Variants in A2M observed in about 807,000 individuals in gnomAD.
A2M encodes C3 and PZP-like alpha-2-macroglobulin domain-containing protein 5.
Under a neutral mutation model 183.9 loss-of-function variants are expected in A2M, and 128 were observed. The observed-to-expected ratio is 0.70, with a 90% CI of 0.60 to 0.81. A2M has a LOEUF of 0.81. A2M is among the 30% of genes least tolerant of loss of function. A2M has a pLI of 0.00. For synonymous variants in A2M, 592 were observed against 670.8 expected, an observed-to-expected ratio of 0.88 and a Z score of 1.81; for missense variants, 1,495 against 1,787.6, an observed-to-expected ratio of 0.84 and a Z score of 2.95.
intron 29 of A2M, among the ~76,000 whole-genome samples, chr12:9,074,223 C>G (rs758658668): frequency 6.6e-6 from 1 of 151,944 alleles, no homozygotes; most frequent in Non-Finnish European, 1.5e-5. Context: ...TTCCTTTGAA[C>G]AGTTTGAAAG....
chr12:9,069,369 G>C (rs943353646), intron 33 of A2M, among the ~76,000 whole-genome samples: 3 of 152,168 alleles, frequency 2.0e-5, no homozygotes, highest in African/African-American at 7.2e-5. Flanking sequence ...TGTGGAGACT[G>C]ACAGTTTTTT....
chr12:9,089,677 G>C (rs759354175), intron 21 of A2M, among the ~76,000 whole-genome samples: 22 of 152,220 alleles, frequency 1.4e-4, no homozygotes, highest in Non-Finnish European at 2.2e-4. Flanking sequence ...GGAGGCGGAG[G>C]TTGCAGTGAG....
chr12:9,093,717 G>C, intron 17 of A2M, 138 bp from the exon 18 acceptor site: 1 of 505,796 alleles, frequency 2.0e-6, no homozygotes, highest in Non-Finnish European at 3.4e-6. Context: ...GAGGGCGCTT[G>C]GGTCATCAAG....
intron 30 of A2M, 25 bp downstream of exon 30, chr12:9,072,628 G>A: frequency 6.2e-7 from 1 of 1,611,436 alleles, no homozygotes; most frequent in Non-Finnish European, 8.5e-7. Context: ...CATCTGTCCT[G>A]TCCTCACCTG....
chr12:9,113,586 A>C, intron 1 of A2M, 43 bp from the exon 2 acceptor site: 1 of 1,577,268 alleles, frequency 6.3e-7, no homozygotes, highest in African/African-American at 1.4e-5. Flanking sequence ...GAAGGAAGAG[A>C]GGCATTGCTA....
intron 18 of A2M, among the ~76,000 whole-genome samples, chr12:9,092,183 C>T (rs1949232605): frequency 6.6e-6 from 1 of 152,122 alleles, no homozygotes; most frequent in African/African-American, 2.4e-5. Flanking sequence ...TCCCATGCCT[C>T]CTTCCCCTGG....
At chr12:9,068,938 T>C in intron 33 of A2M, 96 bp from the exon 34 acceptor site, 1 of 822,926 alleles carries the variant, frequency 1.2e-6, no homozygotes, top group South Asian at 1.9e-5. Context: ...GGAAAAGCTT[T>C]ATTATCCTAC....
intron 6 of A2M, 146 bp downstream of exon 6, chr12:9,109,721 C>T (rs1565603726): frequency 1.3e-6 from 1 of 766,140 alleles, no homozygotes; most frequent in African/African-American, 1.7e-5. Flanking sequence ...CACTGATGTC[C>T]TCATTGGACT....
In A2M at chr12:9,106,257, C is replaced by T. The variant is rs1938273966; in HGVS notation, c.1083G>A (p.Gln361=). 1 of 1,611,580 alleles carries T rather than the reference C, an allele frequency of 6.2e-7. No individual in the cohort carries two copies. Among genetic ancestry groups the T allele is most frequent in the East Asian group, 2.2e-5 (1 of 44,856 alleles). The part of the protein sequence containing the change: ...SFVKVDSHFR[Q]GIPFFGQVRL... ...CCACCTGCCCAAAGAAGGGAATTCC[C>T]TGTCGAAAGTGTGAGTCCACTTTCA... The change falls in exon 10 of 36, where the codon CAG becomes CAA. Residue 361 remains glutamine (Q), a synonymous_variant. Transcript: ENST00000318602.
intron 22 of A2M, among the ~76,000 whole-genome samples, chr12:9,088,812 A>G (rs1367111667): frequency 1.3e-5 from 2 of 152,222 alleles, no homozygotes; most frequent in Admixed American, 1.3e-4. Flanking sequence ...GTTATCAAAT[A>G]CTGTTGGCTA....
chr12:9,100,616 G>GA (rs1491310435), intron 13 of A2M, among the ~76,000 whole-genome samples: 2 of 151,226 alleles, frequency 1.3e-5, no homozygotes, highest in African/African-American at 2.4e-5. Flanking sequence ...AAAATAGGCT[G>GA]AAAAAAAAGA....
intron 11 of A2M, among the ~76,000 whole-genome samples, chr12:9,102,490 A>C (rs1376614347): frequency 6.6e-6 from 1 of 152,146 alleles, no homozygotes; most frequent in Non-Finnish European, 1.5e-5. Context: ...TGCTGGGATT[A>C]CAGGCGTGAG....
At chr12:9,102,790 G>A (rs1281849757) in intron 11 of A2M, among the ~76,000 whole-genome samples, 1 of 152,204 alleles carries the variant, frequency 6.6e-6, no homozygotes, top group East Asian at 1.9e-4. Context: ...GACTAGCACA[G>A]TGCTGGCACG....
chr12:9,093,154 T>A (rs963375732), intron 18 of A2M, among the ~76,000 whole-genome samples: 4 of 152,164 alleles, frequency 2.6e-5, no homozygotes, highest in Non-Finnish European at 4.4e-5. Flanking sequence ...TGAATAAATT[T>A]AGAAATCTAA....
Position 9,080,095 on chromosome 12 carries a change from C to T in A2M, c.2853G>A (p.Leu951=). ...ATCCACTAGGGGCTGGAGACTCACCCAAAACTGAGACAGAAGCTCGGGCAG... is the reference window on the plus strand; with the variant it reads ...ATCCACTAGGGGCTGGAGACTCACCTAAAACTGAGACAGAAGCTCGGGCAG... ...EESARASVSV[L]GDILGSAMQN... The change falls in exon 23 of 36, where the codon TTG becomes TTA. Residue 951 remains leucine (L), a splice_region_variant and synonymous_variant. Coordinates refer to ENST00000318602, the MANE Select transcript of A2M (RefSeq NM_000014.6). 1 of 1,580,762 alleles carries T rather than the reference C, an allele frequency of 6.3e-7. No individual in the cohort carries two copies. The highest frequency in any genetic ancestry group is 1.3e-5 in the African/African-American group (1 of 74,098).
chr12:9,079,158 A>T, intron 25 of A2M, 86 bp downstream of exon 25: 2 of 1,006,264 alleles, frequency 2.0e-6, no homozygotes, highest in Non-Finnish European at 3.1e-6. Context: ...TACATATCTG[A>T]TAGTGTTGCT....
chr12:9,091,084 A>G (rs1949197839), intron 19 of A2M, 117 bp downstream of exon 19: 7 of 1,272,934 alleles, frequency 5.5e-6, no homozygotes, highest in Non-Finnish European at 7.6e-6. Flanking sequence ...TAACTTTTAC[A>G]ATCATGAATA....
chr12:9,086,638 C>T (rs226415), intron 22 of A2M, among the ~76,000 whole-genome samples: 81,120 of 151,982 alleles, frequency 0.53, 22,802 homozygotes, highest in African/African-American at 0.69. Context: ...AAGCAATGTT[C>T]CTCAACACAA....
chr12:9,072,127 T>G (rs1263355993), intron 31 of A2M, among the ~76,000 whole-genome samples: 4 of 152,222 alleles, frequency 2.6e-5, no homozygotes, highest in Non-Finnish European at 5.9e-5. Flanking sequence ...ATTTACTTAG[T>G]TGTTATTGAG....
Sources: gnomAD v4.1 joint callset for allele counts (sites outside exome capture counted in the v4.1 genomes callset) on GRCh38, gnomAD v4.1.1 for gene constraint, MANE v1.5 for transcripts, NCBI Gene and HGNC (gene_info 2026-07-23, HGNC 2026-07-21) for gene names.